MRC1: variants seen among roughly 807,000 people sequenced by gnomAD.
MRC1 encodes mannose receptor C-type 1.
In MRC1, 62 loss-of-function variants were observed where a neutral mutation model predicts 102.9. That is an observed-to-expected ratio of 0.60 (90% CI 0.49 to 0.74). The LOEUF is 0.74. Ranked by LOEUF, MRC1 falls within the 30% of genes least tolerant of loss-of-function variation. The pLI, the probability that MRC1 is intolerant of heterozygous loss-of-function variation, is 0.00. For missense variants in MRC1, 1,237 were observed against 862.8 expected, an observed-to-expected ratio of 1.43 and a Z score of -5.43; for synonymous variants, 457 against 298.4, an observed-to-expected ratio of 1.53 and a Z score of -5.48.
intron 12 of MRC1, among the ~76,000 whole-genome samples, chr10:17,867,956 C>A (rs1215465322): frequency 6.6e-6 from 1 of 152,116 alleles, no homozygotes; most frequent in African/African-American, 2.4e-5. Context: ...TTTCAGTGCC[C>A]ATTAAATGAC....
intron 1 of MRC1, 147 bp from the exon 2 acceptor site, chr10:17,822,927 C>T (rs1589164925): frequency 1.5e-6 from 1 of 658,730 alleles, no homozygotes; most frequent in Non-Finnish European, 2.8e-6. Context: ...CAGGCACAGT[C>T]ATCAGTACCT....
At chr10:17,908,626 T>C (rs942579755) in intron 28 of MRC1, among the ~76,000 whole-genome samples, 3 of 151,528 alleles carry the variant, frequency 2.0e-5, no homozygotes, top group African/African-American at 7.3e-5. Context: ...CTGTTGCCAG[T>C]GGCGTGATCT....
rs1838941681 is a variant in MRC1 at position 17,853,134 on chromosome 10, C to T, written c.1407+10C>T. 1 of 780,528 alleles carries T rather than the reference C, an allele frequency of 1.3e-6. No individual in the cohort carries two copies. Among genetic ancestry groups the T allele is most frequent in the African/African-American group, 1.7e-5 (1 of 59,218 alleles). 48.4% of individuals were successfully genotyped at this position (780,528 alleles called of 1,614,324 possible). Reference sequence around the variant, plus strand: ...GGTGATGAAAGGCAAGGTAAGGCCACTTGAATGACTGATATTTATAATGAA... The same window carrying T: ...GGTGATGAAAGGCAAGGTAAGGCCATTTGAATGACTGATATTTATAATGAA... On this transcript the variant is annotated intron_variant, in intron 8 of 29. Coordinates refer to ENST00000569591, the MANE Select transcript of MRC1 (RefSeq NM_002438.4).
chr10:17,825,092 A>C (rs895482620), intron 2 of MRC1, among the ~76,000 whole-genome samples: 3,177 of 152,216 alleles, frequency 0.021, 125 homozygotes, highest in African/African-American at 0.073. Context: ...AAGATCTCCC[A>C]GCACTTAAGA....
chr10:17,823,580 A>G, intron 2 of MRC1, 105 bp downstream of exon 2: 1 of 753,454 alleles, frequency 1.3e-6, no homozygotes, highest in Non-Finnish European at 2.5e-6. Flanking sequence ...TGTACTAGAA[A>G]TATCAATTGA....
At position 17,890,961 on chromosome 10, in the gene MRC1, C is replaced by A. The variant is rs1310586207; in HGVS notation, c.3148-3249C>A. 2.6e-5 allele frequency among the ~76,000 whole-genome samples: 4 copies of A among 151,818 alleles called. No homozygotes were observed. The South Asian group carries it at 8.3e-4, about 32-fold the overall frequency. On this transcript the variant is annotated intron_variant, in intron 22 of 29. Transcript: ENST00000569591. ...ATTAGATTCTCATAGAAACGTGAAC[C>A]CTACTGTGAACTGTGCATGCGTGGG...
intron 17 of MRC1, 72 bp downstream of exon 17, chr10:17,875,325 A>G: frequency 2.6e-6 from 2 of 767,266 alleles, no homozygotes; most frequent in East Asian, 2.4e-5. Context: ...TGTATGGAAA[A>G]GTTCTTTAGT....
At chr10:17,814,126 A>G (rs1294475686) in intron 1 of MRC1, among the ~76,000 whole-genome samples, 10 of 152,136 alleles carry the variant, frequency 6.6e-5, no homozygotes, top group Admixed American at 1.3e-4. Context: ...GTCATTGTGC[A>G]CCTTTCCCTA....
At chr10:17,884,506 C>A (rs1833562770) in intron 21 of MRC1, among the ~76,000 whole-genome samples, 1 of 152,210 alleles carries the variant, frequency 6.6e-6, no homozygotes, top group South Asian at 2.1e-4. Context: ...TTGATTGACT[C>A]ACACTTCCAC....
Position 17,861,208 on chromosome 10 carries a change from G to A in MRC1, c.1519-179G>A, listed in dbSNP as rs1041050610. Among the ~76,000 whole-genome samples the A allele has an allele frequency of 1.4e-4, 21 of 152,310 alleles. No homozygotes were observed. In the South Asian group the frequency reaches 2.9e-3, roughly 21 times the overall value. On this transcript the variant is annotated intron_variant, in intron 9 of 29. Coordinates refer to ENST00000569591, the MANE Select transcript of MRC1 (RefSeq NM_002438.4). ...CGTGCCTGTAATTCCAGCTACTCTGGAGACTGAGGCAGGAGAATTGCTTGA... is the reference window on the plus strand; with the variant it reads ...CGTGCCTGTAATTCCAGCTACTCTGAAGACTGAGGCAGGAGAATTGCTTGA...
intron 7 of MRC1, among the ~76,000 whole-genome samples, chr10:17,852,372 G>A (rs1838930110): frequency 6.6e-6 from 1 of 152,042 alleles, no homozygotes; most frequent in African/African-American, 2.4e-5. Flanking sequence ...CCAAATGTCA[G>A]GTGCAAGTCT....
intron 15 of MRC1, among the ~76,000 whole-genome samples, chr10:17,872,789 G>A (rs1833372542): frequency 6.6e-6 from 1 of 152,196 alleles, no homozygotes; most frequent in African/African-American, 2.4e-5. Context: ...CTAATGTTAA[G>A]AGAAACCAAC....
intron 2 of MRC1, among the ~76,000 whole-genome samples, chr10:17,824,784 C>T (rs1039081208): frequency 1.3e-5 from 2 of 152,134 alleles, no homozygotes; most frequent in South Asian, 2.1e-4. Flanking sequence ...GCTAAGAAAT[C>T]GGATTTTTAT....
At chr10:17,894,405 T>TTC in intron 23 of MRC1, 93 bp downstream of exon 23, 21 of 680,430 alleles carry the variant, frequency 3.1e-5, no homozygotes, top group Non-Finnish European at 3.3e-5. Flanking sequence ...TTTTTTTTTT[T>TTC]TTTTTTTTTT....
At chr10:17,899,567 C>G (rs1196672893) in intron 24 of MRC1, among the ~76,000 whole-genome samples, 1 of 151,956 alleles carries the variant, frequency 6.6e-6, no homozygotes, top group Non-Finnish European at 1.5e-5. Flanking sequence ...TAATTTTTGT[C>G]ACTGGATTTT....
chr10:17,884,719 G>A (rs950760040), intron 21 of MRC1, among the ~76,000 whole-genome samples: 1 of 152,182 alleles, frequency 6.6e-6, no homozygotes, highest in African/African-American at 2.4e-5. Context: ...CCTTCACCTA[G>A]TCCCACCCTT....
chr10:17,821,661 A>G (rs936467304), intron 1 of MRC1, among the ~76,000 whole-genome samples: 1 of 152,170 alleles, frequency 6.6e-6, no homozygotes, highest in Admixed American at 6.5e-5. Context: ...CTTTAAGCTT[A>G]TGGGTCTAGA....
intron 6 of MRC1, among the ~76,000 whole-genome samples, chr10:17,848,032 C>T (rs1308767113): frequency 6.6e-6 from 1 of 151,488 alleles, no homozygotes; most frequent in African/African-American, 2.4e-5. Flanking sequence ...GCATTTGAGC[C>T]TCATGACTGA....
intron 3 of MRC1, among the ~76,000 whole-genome samples, chr10:17,828,013 A>G (rs1231954582): frequency 1.3e-5 from 2 of 152,186 alleles, no homozygotes; most frequent in Non-Finnish European, 2.9e-5. Flanking sequence ...CCCTGAGATC[A>G]TGCTAAGAGG....
Sources: allele counts gnomAD v4.1 joint callset (sites outside exome capture counted in the v4.1 genomes callset), GRCh38; gene constraint gnomAD v4.1.1; transcripts MANE v1.5; gene names NCBI Gene and HGNC (gene_info 2026-07-23, HGNC 2026-07-21).